Variants in DPY19L2 observed in about 807,000 individuals in gnomAD.
DPY19L2 encodes the protein dpy-19 like 2, also known as probable C-mannosyltransferase DPY19L2.
In DPY19L2, 34 loss-of-function variants were observed where a neutral mutation model predicts 97.9. The observed-to-expected ratio is 0.35, with a 90% CI of 0.26 to 0.46. The LOEUF (loss-of-function observed/expected upper bound fraction) is 0.46, where lower values mean the gene tolerates loss of function less well. DPY19L2 is among the 20% of genes least tolerant of loss of function. The probability of loss-of-function intolerance (pLI) is 1.00; values close to 1 mark genes in which losing one functional copy is unlikely to be tolerated. For synonymous variants in DPY19L2, 230 were observed against 307.9 expected, an observed-to-expected ratio of 0.75 and a Z score of 2.65; for missense variants, 623 against 911.4, an observed-to-expected ratio of 0.68 and a Z score of 4.07.
rs1555183989 is a variant in DPY19L2, at chr12:63,580,677, A to G, written c.1885T>C (p.Tyr629His). The G allele has an allele frequency of 2.5e-6, 4 of 1,612,650 alleles. No homozygotes were observed. Among genetic ancestry groups the G allele is most frequent in the East Asian group, 2.2e-5 (1 of 44,856 alleles). The change falls in exon 19 of 22, where the codon TAC becomes CAC. Residue 629 changes from tyrosine to histidine, a missense_variant. Coordinates refer to ENST00000324472, the MANE Select transcript of DPY19L2 (RefSeq NM_173812.5). ...PQEELLQWIK[Y>H]STTSDAVFAG... is the part of the protein sequence containing the mutation. Reference sequence around the variant, plus strand: ...ACCTACACACCTGATGTGGTACTGTATTTGATCCACTGTAAAAGTTCTTCC... The same window carrying G: ...ACCTACACACCTGATGTGGTACTGTGTTTGATCCACTGTAAAAGTTCTTCC...
At chr12:63,612,983 C>T (rs1887262915) in intron 11 of DPY19L2, among the ~76,000 whole-genome samples, 1 of 152,074 alleles carries the variant, frequency 6.6e-6, no homozygotes, top group Middle Eastern at 3.4e-3. Flanking sequence ...CACGAATAGC[C>T]TTATACCTTA....
chr12:63,657,204 TTAGGG>T (rs1895082670), intron 4 of DPY19L2, among the ~76,000 whole-genome samples: 1 of 152,190 alleles, frequency 6.6e-6, no homozygotes, highest in Non-Finnish European at 1.5e-5. Flanking sequence ...GTTAATCTAG[TTAGGG>T]TGGGCTGGAT....
chr12:63,590,658 T>C (rs1206448008), intron 16 of DPY19L2, among the ~76,000 whole-genome samples: 1 of 152,094 alleles, frequency 6.6e-6, no homozygotes, highest in African/African-American at 2.4e-5. Context: ...TACAATTCTA[T>C]TTTTTTAAAA....
At chr12:63,576,574 A>C (rs1320494366) in intron 19 of DPY19L2, among the ~76,000 whole-genome samples, 2 of 151,940 alleles carry the variant, frequency 1.3e-5, no homozygotes, top group African/African-American at 4.8e-5. Context: ...AAAAACTATT[A>C]GAACTGATAA....
At chr12:63,629,710 A>G (rs916809087) in intron 6 of DPY19L2, among the ~76,000 whole-genome samples, 11 of 152,160 alleles carry the variant, frequency 7.2e-5, no homozygotes, top group Non-Finnish European at 1.0e-4. Context: ...CAGGAAATAC[A>G]GAGAACGCCA....
At chr12:63,591,991 G>A (rs1258484689) in intron 16 of DPY19L2, among the ~76,000 whole-genome samples, 1 of 25,706 alleles carries the variant, frequency 3.9e-5, no homozygotes, top group African/African-American at 2.4e-4. Context: ...GAAGGGAAGG[G>A]AAGGGAGGGG....
chr12:63,639,997 T>TA (rs1229052432), intron 6 of DPY19L2, among the ~76,000 whole-genome samples: 1 of 152,178 alleles, frequency 6.6e-6, no homozygotes, highest in Non-Finnish European at 1.5e-5. Context: ...GTGGCACATA[T>TA]ACACCATGGA....
intron 6 of DPY19L2, among the ~76,000 whole-genome samples, chr12:63,636,365 T>G (rs1338107297): frequency 6.6e-6 from 1 of 152,080 alleles, no homozygotes; most frequent in African/African-American, 2.4e-5. Context: ...AGCAACTGCA[T>G]CAACTAACGA....
intron 6 of DPY19L2, among the ~76,000 whole-genome samples, chr12:63,637,593 A>G (rs1359872173): frequency 6.6e-6 from 1 of 152,174 alleles, no homozygotes; most frequent in Non-Finnish European, 1.5e-5. Context: ...CCTCTACTAT[A>G]AACTAGAAAA....
At chr12:63,636,104 A>AGT (rs1555207373) in intron 6 of DPY19L2, among the ~76,000 whole-genome samples, 2 of 151,768 alleles carry the variant, frequency 1.3e-5, no homozygotes, top group African/African-American at 2.4e-5. Flanking sequence ...ACAAGCCAGA[A>AGT]GGGGGGGCGG....
intron 14 of DPY19L2, 84 bp downstream of exon 14, chr12:63,597,725 A>G: frequency 1.6e-6 from 2 of 1,272,014 alleles, no homozygotes; most frequent in Non-Finnish European, 2.2e-6. Context: ...ACTGTTTCTG[A>G]GCAAAAATTT....
At chr12:63,645,497 T>G (rs1474309507) in intron 5 of DPY19L2, among the ~76,000 whole-genome samples, 3 of 152,170 alleles carry the variant, frequency 2.0e-5, no homozygotes, top group African/African-American at 7.2e-5. Context: ...TTCTCCTTAT[T>G]CTTATAGCCA....
intron 9 of DPY19L2, among the ~76,000 whole-genome samples, chr12:63,619,058 C>A (rs1157207022): frequency 5.3e-5 from 8 of 152,002 alleles, no homozygotes; most frequent in African/African-American, 1.9e-4. Flanking sequence ...ACTTCTCTGG[C>A]ATAATCAGAT....
intron 21 of DPY19L2, among the ~76,000 whole-genome samples, chr12:63,567,816 T>A (rs576972957): frequency 6.6e-6 from 1 of 152,206 alleles, no homozygotes; most frequent in South Asian, 2.1e-4. Context: ...TTCAGCACTT[T>A]GAATAATCAT....
rs1205538169 is a variant in DPY19L2 at position 63,652,354 on chromosome 12, A to C, written c.589-4989T>G. ...GTAAACTAGTTCAAACACTGTGGAA[A>C]GCAGTTTGGAAATTTCTCAAAGAAC... On this transcript the variant is annotated intron_variant, in intron 4 of 21. Coordinates refer to ENST00000324472, the MANE Select transcript of DPY19L2 (RefSeq NM_173812.5). Among the ~76,000 whole-genome samples, 3 of 152,306 alleles carry C rather than the reference A, an allele frequency of 2.0e-5. No homozygotes were observed. In the East Asian group the frequency reaches 5.8e-4, roughly 29 times the overall value.
rs972138869 is a variant in DPY19L2, at chr12:63,573,996, T to C, written c.1901-3139A>G. Among the ~76,000 whole-genome samples, 3 of 152,016 alleles carry C rather than the reference T, an allele frequency of 2.0e-5. No individual in the cohort carries two copies. In the East Asian group the frequency reaches 5.8e-4, roughly 29 times the overall value. On this transcript the variant is annotated intron_variant, in intron 19 of 21. Coordinates refer to ENST00000324472, the MANE Select transcript of DPY19L2 (RefSeq NM_173812.5). ...AATAATCGGAAGGTACAAAACTCACTGGTAATAGTAAGTACACAGAGAAAC... is the reference window on the plus strand; with the variant it reads ...AATAATCGGAAGGTACAAAACTCACCGGTAATAGTAAGTACACAGAGAAAC...
At chr12:63,632,255 G>T (rs1436779670) in intron 6 of DPY19L2, among the ~76,000 whole-genome samples, 1 of 152,110 alleles carries the variant, frequency 6.6e-6, no homozygotes, top group Admixed American at 6.6e-5. Context: ...TATTCAATTA[G>T]GAAAAGAGGA....
At chr12:63,662,171 T>C (rs571250421) in intron 3 of DPY19L2, among the ~76,000 whole-genome samples, 2 of 152,198 alleles carry the variant, frequency 1.3e-5, no homozygotes, top group African/African-American at 2.4e-5. Flanking sequence ...ATATTGTGTC[T>C]AGTTTCCCCA....
At chr12:63,631,465 A>C (rs1285115270) in intron 6 of DPY19L2, among the ~76,000 whole-genome samples, 1 of 152,202 alleles carries the variant, frequency 6.6e-6, no homozygotes, top group Non-Finnish European at 1.5e-5. Context: ...AAAATCTAGA[A>C]GAAATGGATA....
Sources: gnomAD v4.1 joint callset for allele counts (sites outside exome capture counted in the v4.1 genomes callset) on GRCh38, gnomAD v4.1.1 for gene constraint, MANE v1.5 for transcripts, NCBI Gene and HGNC (gene_info 2026-07-23, HGNC 2026-07-21) for gene names.